Variants in SLC39A8 observed in about 807,000 individuals in gnomAD.
SLC39A8 encodes the protein solute carrier family 39 member 8, also known as metal cation symporter ZIP8.
SLC39A8 carries 15 observed loss-of-function variants against 40.4 expected under a neutral mutation model. The ratio of observed to expected loss-of-function variants is 0.37; its 90% CI spans 0.25 to 0.57. The LOEUF is 0.57. Among genes scored for constraint, SLC39A8 ranks in the 20% least tolerant of loss-of-function variants. SLC39A8 has a pLI of 0.75. For synonymous variants in SLC39A8, 223 were observed against 221.6 expected (o/e 1.01, Z -0.06); for missense variants, 472 against 558.8 (o/e 0.84, Z 1.57).
intron 2 of SLC39A8, among the ~76,000 whole-genome samples, chr4:102,342,645 T>C (rs1396278411): frequency 6.6e-6 from 1 of 152,246 alleles, no homozygotes; most frequent in Non-Finnish European, 1.5e-5. Flanking sequence ...GGCAGTTAAA[T>C]ATGCAAACAT....
chr4:102,309,548 C>A (rs1734334526), intron 3 of SLC39A8, among the ~76,000 whole-genome samples: 1 of 152,104 alleles, frequency 6.6e-6, no homozygotes, highest in Non-Finnish European at 1.5e-5. Context: ...CATGGAATTT[C>A]TCTTAACACA....
intron 11 of SLC39A8, among the ~76,000 whole-genome samples, chr4:102,254,583 G>T (rs1211071046): frequency 6.6e-6 from 1 of 152,170 alleles, no homozygotes; most frequent in African/African-American, 2.4e-5. Context: ...TAAAAAGCCA[G>T]ATGTCTGTAA....
At chr4:102,319,431 A>G (rs1734807179) in intron 2 of SLC39A8, among the ~76,000 whole-genome samples, 1 of 151,860 alleles carries the variant, frequency 6.6e-6, no homozygotes, top group Non-Finnish European at 1.5e-5. Flanking sequence ...CGACCCTAGC[A>G]TCCATCCTTA....
At chr4:102,251,432 A>T (rs1197533416) in exon 12 of SLC39A8, 1 of 152,134 alleles carries the variant, frequency 6.6e-6, no homozygotes, top group African/African-American at 2.4e-5. Flanking sequence ...TGGGAAATCA[A>T]AGATTTCCCA....
intron 6 of SLC39A8, among the ~76,000 whole-genome samples, chr4:102,284,873 C>G (rs1209365509): frequency 2.0e-5 from 3 of 151,986 alleles, no homozygotes; most frequent in African/African-American, 7.2e-5. Flanking sequence ...CTTATTTTTT[C>G]CAATATATAT....
intron 6 of SLC39A8, among the ~76,000 whole-genome samples, chr4:102,300,070 A>G (rs1353341376): frequency 6.6e-6 from 1 of 151,908 alleles, no homozygotes; most frequent in Non-Finnish European, 1.5e-5. Context: ...CATCTTGTGC[A>G]CCCCTCTTTT....
intron 2 of SLC39A8, among the ~76,000 whole-genome samples, chr4:102,342,416 T>C (rs944891339): frequency 1.3e-5 from 2 of 152,162 alleles, no homozygotes; most frequent in African/African-American, 4.8e-5. Context: ...GGAGAATTGC[T>C]TGAACCCAGA....
Position 102,330,822 on chromosome 4 carries a change from CATTATG to C in SLC39A8, c.219+13616_219+13621del, listed in dbSNP as rs2149051073. 1.3e-5 allele frequency among the ~76,000 whole-genome samples: 2 copies of C among 152,294 alleles called. 1 individual carries two copies. Among genetic ancestry groups the C allele is most frequent in the South Asian group, 4.1e-4 (2 of 4,826 alleles). On this transcript the variant is annotated intron_variant, in intron 2 of 8. Transcript: ENST00000356736. ...CCAGCAGCACATCAAAAAGCTTATCCATTATGATCAAGTCAGTTTCATCCCTGGAAT... is the reference window on the plus strand; with the variant it reads ...CCAGCAGCACATCAAAAAGCTTATCCATCAAGTCAGTTTCATCCCTGGAAT...
chr4:102,263,861 AC>A (rs766624892), intron 8 of SLC39A8, among the ~76,000 whole-genome samples: 4 of 152,086 alleles, frequency 2.6e-5, no homozygotes, highest in Non-Finnish European at 4.4e-5. Context: ...GTAAGAAGCA[AC>A]CCCTCATTCA....
At chr4:102,328,205 C>T (rs1560566538) in intron 2 of SLC39A8, among the ~76,000 whole-genome samples, 1 of 152,146 alleles carries the variant, frequency 6.6e-6, no homozygotes, top group Non-Finnish European at 1.5e-5. Flanking sequence ...TCCATTTCCT[C>T]ACCTCTCAGT....
At chr4:102,311,215 T>C (rs1734411105) in intron 3 of SLC39A8, among the ~76,000 whole-genome samples, 1 of 152,110 alleles carries the variant, frequency 6.6e-6, no homozygotes, top group African/African-American at 2.4e-5. Context: ...TTTTCTCATA[T>C]TTAAAATGCA....
chr4:102,269,932 A>C (rs537793555), intron 6 of SLC39A8: 2 of 152,326 alleles, frequency 1.3e-5, no homozygotes, highest in East Asian at 3.9e-4. Context: ...CACAATAAAC[A>C]ATCATAATTT....
At chr4:102,333,637 G>A (rs766481879) in intron 2 of SLC39A8, among the ~76,000 whole-genome samples, 1 of 152,176 alleles carries the variant, frequency 6.6e-6, no homozygotes, top group African/African-American at 2.4e-5. Flanking sequence ...TTTGAGACAG[G>A]TTTAGACCTG....
intron 6 of SLC39A8, among the ~76,000 whole-genome samples, chr4:102,276,439 A>G (rs1179163020): frequency 1.3e-5 from 2 of 152,246 alleles, no homozygotes; most frequent in East Asian, 1.9e-4. Flanking sequence ...TAAACCAGGA[A>G]GAAGTCGAAA....
intron 8 of SLC39A8, among the ~76,000 whole-genome samples, chr4:102,266,764 C>A (rs1309281145): frequency 6.6e-6 from 1 of 152,098 alleles, no homozygotes; most frequent in Non-Finnish European, 1.5e-5. Context: ...CCCGCCACCA[C>A]GCCCGGCTAA....
chr4:102,280,036 A>C (rs767697652), intron 6 of SLC39A8, among the ~76,000 whole-genome samples: 4 of 152,176 alleles, frequency 2.6e-5, no homozygotes, highest in Admixed American at 6.5e-5. Context: ...AGTGAGCTCT[A>C]ACAAAATTGG....
chr4:102,278,871 C>T (rs779205275), intron 6 of SLC39A8, among the ~76,000 whole-genome samples: 12 of 152,064 alleles, frequency 7.9e-5, no homozygotes, highest in Non-Finnish European at 1.8e-4. Context: ...CCATCATTCT[C>T]ATTCTCAGCA....
intron 2 of SLC39A8, among the ~76,000 whole-genome samples, chr4:102,328,251 C>T (rs1483589654): frequency 1.3e-5 from 2 of 152,098 alleles, no homozygotes; most frequent in Admixed American, 6.5e-5. Flanking sequence ...CTTCTATTCC[C>T]ACCACTTCCT....
chr4:102,321,305 C>G (rs1229521263), intron 2 of SLC39A8, among the ~76,000 whole-genome samples: 3 of 152,188 alleles, frequency 2.0e-5, no homozygotes, highest in Non-Finnish European at 4.4e-5. Flanking sequence ...GATGCTGCTA[C>G]TGCTGTTGAT....
Sources: allele counts gnomAD v4.1 joint callset (sites outside exome capture counted in the v4.1 genomes callset), GRCh38; gene constraint gnomAD v4.1.1; transcripts MANE v1.5; gene names NCBI Gene and HGNC (gene_info 2026-07-23, HGNC 2026-07-21).